Variants in PPM1H observed in about 807,000 individuals in gnomAD.
PPM1H encodes protein phosphatase, Mg2+/Mn2+ dependent 1H, also known as protein phosphatase 1H.
In PPM1H, 27 loss-of-function variants were observed where a neutral mutation model predicts 54.9. That is an observed-to-expected ratio of 0.49 (90% CI 0.36 to 0.68). PPM1H has a LOEUF of 0.68. Ranked by LOEUF, PPM1H falls within the 30% of genes least tolerant of loss-of-function variation. PPM1H has a pLI of 0.00. For missense variants in PPM1H, 596 were observed against 667.8 expected, an observed-to-expected ratio of 0.89 and a Z score of 1.19; for synonymous variants, 305 against 270.8, an observed-to-expected ratio of 1.13 and a Z score of -1.24.
intron 3 of PPM1H, among the ~76,000 whole-genome samples, chr12:62,794,376 C>T (rs1323803136): frequency 2.6e-5 from 4 of 152,084 alleles, no homozygotes; most frequent in Admixed American, 2.6e-4. Flanking sequence ...ACTTTGCCCC[C>T]TTTTTGTCAC....
chr12:62,781,980 G>C (rs563891389), intron 4 of PPM1H, among the ~76,000 whole-genome samples: 5 of 152,252 alleles, frequency 3.3e-5, no homozygotes, highest in African/African-American at 1.2e-4. Context: ...GGGAGAAACA[G>C]CAATTCAACT....
chr12:62,847,682 A>G (rs473044), intron 1 of PPM1H, among the ~76,000 whole-genome samples: 2,333 of 152,308 alleles, frequency 0.015, 78 homozygotes, highest in African/African-American at 0.053. Flanking sequence ...GCCACTGATC[A>G]GGCATATTTA....
At position 62,801,382 on chromosome 12, in the gene PPM1H, A is replaced by G. The variant is rs998586240; in HGVS notation, c.756+434T>C. ...GCTCAGGCTGGAGCACAGTGGCGCA[A>G]TCTTGGCTCACTGCAATCTCTGTCT... On this transcript the variant is annotated intron_variant, in intron 3 of 9. Coordinates refer to ENST00000228705, the MANE Select transcript of PPM1H (RefSeq NM_020700.2). Among the ~76,000 whole-genome samples, 5 of 152,128 alleles carry G rather than the reference A, an allele frequency of 3.3e-5. No homozygotes were observed. In the East Asian group the frequency reaches 5.8e-4, roughly 18 times the overall value.
intron 3 of PPM1H, among the ~76,000 whole-genome samples, chr12:62,799,924 C>T (rs987939193): frequency 1.3e-5 from 2 of 152,126 alleles, no homozygotes; most frequent in Non-Finnish European, 2.9e-5. Context: ...CATGACAGCT[C>T]AGAACTCCTG....
chr12:62,655,397 T>A (rs892623636), intron 9 of PPM1H, among the ~76,000 whole-genome samples: 1 of 152,224 alleles, frequency 6.6e-6, no homozygotes, highest in Non-Finnish European at 1.5e-5. Flanking sequence ...GGAAAAGAAC[T>A]GCTTCTCCTG....
At position 62,707,578 on chromosome 12, in the gene PPM1H, TA is replaced by T. The variant is rs1008491927; in HGVS notation, c.1073+12592del. Among the ~76,000 whole-genome samples, 17 of 152,312 alleles carry T rather than the reference TA, an allele frequency of 1.1e-4. No homozygotes were observed. The East Asian group carries it at 2.5e-3, about 22-fold the overall frequency. On this transcript the variant is annotated intron_variant, in intron 6 of 9. Coordinates refer to ENST00000228705, the MANE Select transcript of PPM1H (RefSeq NM_020700.2). ...TACAGCAATCGCCTGGGGTGCTTAT[TA>T]AAAAATGCAGAATCCATAGAGATTC...
intron 5 of PPM1H, among the ~76,000 whole-genome samples, chr12:62,721,999 C>A (rs1345773568): frequency 6.6e-6 from 1 of 152,040 alleles, no homozygotes; most frequent in Non-Finnish European, 1.5e-5. Flanking sequence ...AACAGGGAGC[C>A]TGTGTTCAAA....
intron 4 of PPM1H, among the ~76,000 whole-genome samples, chr12:62,751,463 G>A (rs2076442401): frequency 6.6e-6 from 1 of 152,208 alleles, no homozygotes. Context: ...AGAACAGTGG[G>A]TGACCAGTTC....
At chr12:62,886,150 C>T (rs554716739) in intron 1 of PPM1H, among the ~76,000 whole-genome samples, 1 of 152,282 alleles carries the variant, frequency 6.6e-6, no homozygotes, top group East Asian at 1.9e-4. Context: ...GCTTTTTAAA[C>T]GTTTCATCAC....
intron 6 of PPM1H, among the ~76,000 whole-genome samples, chr12:62,709,968 G>T (rs1592556074): frequency 6.6e-6 from 1 of 152,232 alleles, no homozygotes; most frequent in East Asian, 1.9e-4. Flanking sequence ...TACTCGGGAG[G>T]CCGAGGCAGG....
intron 2 of PPM1H, among the ~76,000 whole-genome samples, chr12:62,804,666 CT>C (rs1162966258): frequency 2.2e-5 from 3 of 134,282 alleles, no homozygotes; most frequent in African/African-American, 2.9e-5. Context: ...TGGTTAATTT[CT>C]TTTTTTTTCT....
chr12:62,844,188 G>GT lies in PPM1H; in HGVS notation c.246-11910dup, dbSNP rs1868867268. On this transcript the variant is annotated intron_variant, in intron 1 of 9. Coordinates refer to ENST00000228705, the MANE Select transcript of PPM1H (RefSeq NM_020700.2). The surrounding 1 kb of genome is among the most constrained non-coding windows in gnomAD (Gnocchi z 5.2). ...GCAGCACACACTCCAAATGGATGGG[G>GT]TTGGTGTTCCAAAGTGGGGAAGCTA... is the stretch of plus-strand genomic sequence containing the variant. 6.6e-6 allele frequency among the ~76,000 whole-genome samples: 1 copy of GT among 152,216 alleles called. No individual in the cohort carries two copies. The highest frequency in any genetic ancestry group is 1.5e-5 in the Non-Finnish European group (1 of 68,038).
At chr12:62,849,769 T>C (rs1288633116) in intron 1 of PPM1H, among the ~76,000 whole-genome samples, 1 of 152,178 alleles carries the variant, frequency 6.6e-6, no homozygotes, top group African/African-American at 2.4e-5. Context: ...AATGCATTCG[T>C]TTCCAGGGAA....
At chr12:62,831,833 A>G (rs1868365716) in intron 2 of PPM1H, among the ~76,000 whole-genome samples, 2 of 151,832 alleles carry the variant, frequency 1.3e-5, no homozygotes, top group South Asian at 4.2e-4. Context: ...ATATATGCAC[A>G]CACATAAATA....
At chr12:62,919,346 CAG>C (rs1354630867) in intron 1 of PPM1H, among the ~76,000 whole-genome samples, 6 of 151,204 alleles carry the variant, frequency 4.0e-5, no homozygotes, top group Non-Finnish European at 8.8e-5. Flanking sequence ...AACCTGTGAG[CAG>C]AGAGTCCTAG....
chr12:62,756,449 G>T (rs546040178), intron 4 of PPM1H, among the ~76,000 whole-genome samples: 48 of 151,458 alleles, frequency 3.2e-4, no homozygotes, highest in Middle Eastern at 3.4e-3. Flanking sequence ...AAAAAAAATT[G>T]TACATAAGTA....
intron 4 of PPM1H, among the ~76,000 whole-genome samples, chr12:62,742,699 A>G (rs951058620): frequency 6.6e-6 from 1 of 152,166 alleles, no homozygotes. Flanking sequence ...CTACGTATAC[A>G]CTCTGACCTT....
In PPM1H at chr12:62,716,835, T is replaced by A. The variant is rs190317153; in HGVS notation, c.1073+3336A>T. On this transcript the variant is annotated intron_variant, in intron 6 of 9. Transcript: ENST00000228705. ...ATCAGCCACCATGCCCAGCCTCCCA[T>A]CTTTAAGTCCTAAAAAATAACTGCT... Among the ~76,000 whole-genome samples the A allele has an allele frequency of 5.3e-5, 8 of 152,250 alleles. No individual in the cohort carries two copies. In the East Asian group the frequency reaches 1.5e-3, roughly 29 times the overall value.
chr12:62,702,703 G>A (rs778036342), intron 6 of PPM1H, among the ~76,000 whole-genome samples: 22 of 152,140 alleles, frequency 1.4e-4, no homozygotes, highest in Non-Finnish European at 2.5e-4. Context: ...TGCTCCCTTC[G>A]GGGACAGCAT....
Sources: gnomAD v4.1 joint callset for allele counts (sites outside exome capture counted in the v4.1 genomes callset) on GRCh38, gnomAD v4.1.1 for gene constraint, Gnocchi (gnomAD v3.1) non-coding constraint, MANE v1.5 for transcripts, NCBI Gene and HGNC (gene_info 2026-07-23, HGNC 2026-07-21) for gene names.